PCDHGA10: variants seen among roughly 807,000 people sequenced by gnomAD.
The protein encoded by PCDHGA10 is protocadherin gamma subfamily A, 10.
A neutral mutation model predicts 59.5 loss-of-function variants in PCDHGA10; 42 were observed. That is an observed-to-expected ratio of 0.71 (90% CI 0.55 to 0.91). The LOEUF is 0.91. Ranked by LOEUF, PCDHGA10 falls within the 40% of genes least tolerant of loss-of-function variation. PCDHGA10 has a pLI of 0.00. For synonymous variants in PCDHGA10, 511 were observed against 517.2 expected (o/e 0.99, Z 0.16); for missense variants, 1,111 against 1,198.2 (o/e 0.93, Z 1.07).
At chr5:141,460,951 G>GTATATATA (rs200454978) in intron 1 of PCDHGA10, among the ~76,000 whole-genome samples, 42 of 139,772 alleles carry the variant, frequency 3.0e-4, no homozygotes, top group African/African-American at 1.1e-3. Context: ...TATGTATTAT[G>GTATATATA]TATATATATA....
intron 1 of PCDHGA10, among the ~76,000 whole-genome samples, chr5:141,439,406 C>T (rs2098110611): frequency 6.6e-6 from 1 of 152,190 alleles, no homozygotes; most frequent in Non-Finnish European, 1.5e-5. Flanking sequence ...CATGTGCTAA[C>T]ATCACTGAGG....
chr5:141,440,671 T>C (rs2098194169), intron 1 of PCDHGA10: 1 of 152,210 alleles, frequency 6.6e-6, no homozygotes, highest in African/African-American at 2.4e-5. Context: ...CAACTCTATA[T>C]TTCTCTTTGA....
rs201073884 is a variant in PCDHGA10 at position 141,486,264 on chromosome 5, A to C, written c.2437-8543A>C. On this transcript the variant is annotated intron_variant, in intron 1 of 3. Coordinates refer to ENST00000398610, the MANE Select transcript of PCDHGA10 (RefSeq NM_018913.3). This position sits in a 1 kb window ranked among gnomAD's most constrained non-coding sequence, Gnocchi z 5.0. The stretch of plus-strand genomic sequence containing the variant: ...CTTGGAACCCTCCCCGAGAGTGCAG[A>C]ACCTGGCACTGTGGTGGCACTTATC... 8 of 1,614,032 alleles carry C rather than the reference A, an allele frequency of 5.0e-6. No individual in the cohort carries two copies. The East Asian group carries it at 1.6e-4, about 31-fold the overall frequency.
intron 1 of PCDHGA10, among the ~76,000 whole-genome samples, chr5:141,466,975 A>C (rs769024064): frequency 2.6e-5 from 4 of 151,842 alleles, no homozygotes; most frequent in Non-Finnish European, 5.9e-5. Context: ...CTCACAGCTC[A>C]TCATTTACCT....
chr5:141,448,806 G>A (rs1412164815), intron 1 of PCDHGA10, among the ~76,000 whole-genome samples: 1 of 152,008 alleles, frequency 6.6e-6, no homozygotes, highest in Admixed American at 6.5e-5. Context: ...TTAGCCAGGC[G>A]TGATGGCGGG....
At chr5:141,427,132 G>T (rs755992698) in intron 1 of PCDHGA10, 1 of 457,106 alleles carries the variant, frequency 2.2e-6, no homozygotes, top group Non-Finnish European at 4.4e-6. Context: ...AAATCCCTAC[G>T]AGATGATATT....
chr5:141,489,359 AG>A lies in PCDHGA10; in HGVS notation c.2437-5447del. On this transcript the variant is annotated intron_variant, in intron 1 of 3. Coordinates refer to ENST00000398610, the MANE Select transcript of PCDHGA10 (RefSeq NM_018913.3). The surrounding 1 kb of genome is among the most constrained non-coding windows in gnomAD (Gnocchi z 4.5). ...CGTTACTCAGTGGTGGAGGAGTCTG[AG>A]CCGGGGACGCTGGTGGGGAATGTTG... 1 of 1,613,110 alleles carries A rather than the reference AG, an allele frequency of 6.2e-7. No homozygotes were observed. The highest frequency in any genetic ancestry group is 1.1e-5 in the South Asian group (1 of 90,984).
intron 1 of PCDHGA10, among the ~76,000 whole-genome samples, chr5:141,482,793 C>T (rs900216099): frequency 3.9e-5 from 5 of 128,974 alleles, no homozygotes; most frequent in Non-Finnish European, 8.1e-5. Flanking sequence ...TGTGTGTGGC[C>T]GGGTACGGTG....
In PCDHGA10 at chr5:141,487,192, C is replaced by T. The variant is rs2099641028; in HGVS notation, c.2437-7615C>T. ...TAGAGGAAGACACTCATCCAGTTGT[C>T]CCAGATCTTCGAGAATCTTCAGCTC... On this transcript the variant is annotated intron_variant, in intron 1 of 3. Transcript: ENST00000398610. This position sits in a 1 kb window ranked among gnomAD's most constrained non-coding sequence, Gnocchi z 5.0. 15 of 1,613,748 alleles carry T rather than the reference C, an allele frequency of 9.3e-6. No individual in the cohort carries two copies. Among genetic ancestry groups the T allele is most frequent in the African/African-American group, 1.3e-5 (1 of 75,040 alleles).
intron 1 of PCDHGA10, among the ~76,000 whole-genome samples, chr5:141,443,679 A>G (rs1158105871): frequency 6.6e-6 from 1 of 152,268 alleles, no homozygotes; most frequent in African/African-American, 2.4e-5. Flanking sequence ...AGTAGTTTAC[A>G]AACACTTCAA....
Position 141,489,068 on chromosome 5 carries a change from G to GGCC in PCDHGA10, c.2437-5739_2437-5738insGCC. The GGCC allele has an allele frequency of 3.4e-6, 1 of 291,556 alleles. No individual in the cohort carries two copies. The allele number at this position is 291,556 out of a possible 1,614,324, so 18.1% of individuals were successfully genotyped here. A position where few individuals can be genotyped will look rare whatever the true frequency, so the allele number is the denominator to read the frequency against. ...CTCAAATTCAGCTCCCCTCCCCCCT[G>GGCC]CCCACCCCCGCCACTCGGTGACTAA... On this transcript the variant is annotated intron_variant, in intron 1 of 3. Coordinates refer to ENST00000398610, the MANE Select transcript of PCDHGA10 (RefSeq NM_018913.3). The surrounding 1 kb of genome is among the most constrained non-coding windows in gnomAD (Gnocchi z 4.5).
intron 3 of PCDHGA10, among the ~76,000 whole-genome samples, chr5:141,510,203 G>A (rs1164886289): frequency 6.6e-6 from 1 of 151,680 alleles, no homozygotes; most frequent in Non-Finnish European, 1.5e-5. Flanking sequence ...AGCCCAGGAG[G>A]CAGAGGTTGC....
chr5:141,494,688 A>T (rs2099756168), intron 1 of PCDHGA10, 119 bp from the exon 2 acceptor site: 1 of 1,576,254 alleles, frequency 6.3e-7, no homozygotes, highest in Non-Finnish European at 8.6e-7. Context: ...GCCCCCTCTT[A>T]GTCCGTTTTC....
At position 141,415,772 on chromosome 5, in the gene PCDHGA10, T is replaced by A. The variant is rs540545854; in HGVS notation, c.2436+161T>A. On this transcript the variant is annotated intron_variant, in intron 1 of 3. Coordinates refer to ENST00000398610, the MANE Select transcript of PCDHGA10 (RefSeq NM_018913.3). ...TTTTTTTTTTTTTTTTTTTTTTTTT[T>A]ACTTTCTGGTAAAATTCACCTAGTC... is the stretch of plus-strand genomic sequence containing the variant. 5,409 of 1,336,512 alleles carry A rather than the reference T, an allele frequency of 4.0e-3. 27 individuals carry two copies. The highest frequency in any genetic ancestry group is 7.3e-3 in the Admixed American group (200 of 27,462). 82.8% of individuals were successfully genotyped at this position (1,336,512 alleles called of 1,614,324 possible).
chr5:141,423,226 G>A lies in PCDHGA10; in HGVS notation c.2436+7615G>A, dbSNP rs775936938. On this transcript the variant is annotated intron_variant, in intron 1 of 3. Coordinates refer to ENST00000398610, the MANE Select transcript of PCDHGA10 (RefSeq NM_018913.3). The stretch of plus-strand genomic sequence containing the variant: ...CGTCACGCTCACCGTGGCTGTGGCC[G>A]ACAGCATCCCCGAAGTCCTGGCGGA... The A allele has an allele frequency of 2.2e-5, 36 of 1,613,708 alleles. No homozygotes were observed. The highest frequency in any genetic ancestry group is 2.6e-5 in the Non-Finnish European group (31 of 1,180,034).
In PCDHGA10 at chr5:141,423,272, T is replaced by C. The variant is rs372798900; in HGVS notation, c.2436+7661T>C. On this transcript the variant is annotated intron_variant, in intron 1 of 3. Coordinates refer to ENST00000398610, the MANE Select transcript of PCDHGA10 (RefSeq NM_018913.3). ...GCGGACCTCGGCAGCCTCGAGTCTC[T>C]GGCTAACTCTGAAACCTCAGACCTC... 36 of 1,613,586 alleles carry C rather than the reference T, an allele frequency of 2.2e-5. No individual in the cohort carries two copies. In the African/African-American group the frequency reaches 4.4e-4, roughly 20 times the overall value.
At chr5:141,478,165 C>T (rs780594020) in intron 1 of PCDHGA10, 18 of 1,613,920 alleles carry the variant, frequency 1.1e-5, no homozygotes, top group Non-Finnish European at 1.5e-5. Context: ...GCTCTGCCCC[C>T]CGGGAGCAGA....
intron 1 of PCDHGA10, chr5:141,418,015 G>C: frequency 6.2e-7 from 1 of 1,613,964 alleles, no homozygotes; most frequent in Non-Finnish European, 8.5e-7. Context: ...ACCTCGCTAA[G>C]GATCTAGGGC....
chr5:141,502,667 T>G (rs2099815574), intron 2 of PCDHGA10, among the ~76,000 whole-genome samples: 1 of 152,236 alleles, frequency 6.6e-6, no homozygotes. Context: ...TTCATGCAAT[T>G]TTAGTATTCC....
Sources: gnomAD v4.1 joint callset for allele counts (sites outside exome capture counted in the v4.1 genomes callset) on GRCh38, gnomAD v4.1.1 for gene constraint, Gnocchi (gnomAD v3.1) non-coding constraint, MANE v1.5 for transcripts, NCBI Gene and HGNC (gene_info 2026-07-23, HGNC 2026-07-21) for gene names.